The following COL24A1 variants were observed in gnomAD, a reference collection of about 807,000 sequenced individuals.
COL24A1 encodes collagen alpha-1(XXIV) chain.
In COL24A1, 224 loss-of-function variants were observed where a neutral mutation model predicts 253.9. The ratio of observed to expected loss-of-function variants is 0.88; its 90% CI spans 0.79 to 0.99. The LOEUF (loss-of-function observed/expected upper bound fraction) is 0.99, where lower values mean the gene tolerates loss of function less well. COL24A1 is among the 50% of genes least tolerant of loss of function. The pLI is 0.00. For missense variants in COL24A1, 2,131 were observed against 2,068.5 expected (o/e 1.03, Z -0.59); for synonymous variants, 685 against 673.7 (o/e 1.02, Z -0.26).
intron 32 of COL24A1, 147 bp downstream of exon 32, chr1:85,889,412 AT>A: frequency 5.1e-6 from 3 of 583,238 alleles, no homozygotes; most frequent in Non-Finnish European, 8.7e-6. Context: ...ATAAACTATT[AT>A]TTTTCATTCT....
At chr1:85,787,195 GT>G (rs201894051) in intron 47 of COL24A1, among the ~76,000 whole-genome samples, 4,947 of 145,454 alleles carry the variant, frequency 0.034, 217 homozygotes, top group East Asian at 0.13. Context: ...TTATGGCAGA[GT>G]TTTTTTTTTT....
At chr1:86,013,246 T>C (rs1287327201) in intron 19 of COL24A1, among the ~76,000 whole-genome samples, 1 of 152,176 alleles carries the variant, frequency 6.6e-6, no homozygotes, top group African/African-American at 2.4e-5. Context: ...ATCATAGAAG[T>C]ATATATGTAG....
intron 23 of COL24A1, among the ~76,000 whole-genome samples, chr1:85,963,337 TA>T (rs1347433944): frequency 6.6e-6 from 1 of 152,170 alleles, no homozygotes; most frequent in African/African-American, 2.4e-5. Context: ...GGAAGAATAA[TA>T]TATGAATTAT....
At chr1:85,863,795 C>G (rs1466934008) in intron 37 of COL24A1, among the ~76,000 whole-genome samples, 1 of 152,076 alleles carries the variant, frequency 6.6e-6, no homozygotes, top group African/African-American at 2.4e-5. Context: ...ACAGATGAAA[C>G]AATGCTCATC....
intron 5 of COL24A1, among the ~76,000 whole-genome samples, chr1:86,097,624 T>C (rs1042796671): frequency 3.3e-5 from 4 of 122,132 alleles, no homozygotes; most frequent in South Asian, 3.3e-4. Context: ...CTCCTTCTTC[T>C]TTTTCTTATT....
At chr1:86,047,312 C>A (rs1197678019) in intron 11 of COL24A1, among the ~76,000 whole-genome samples, 2 of 152,104 alleles carry the variant, frequency 1.3e-5, no homozygotes, top group African/African-American at 4.8e-5. Context: ...AGGAAATAAG[C>A]CTTAGGGTAA....
At chr1:86,095,139 CA>C (rs903232045) in intron 5 of COL24A1, among the ~76,000 whole-genome samples, 2 of 151,754 alleles carry the variant, frequency 1.3e-5, no homozygotes, top group Admixed American at 6.6e-5. Context: ...TTATAAATAT[CA>C]TGTTAAAAAT....
At chr1:86,027,624 C>T (rs112351822) in intron 14 of COL24A1, among the ~76,000 whole-genome samples, 13,198 of 152,214 alleles carry the variant, frequency 0.087, 700 homozygotes, top group Middle Eastern at 0.18. Context: ...CCTGGATGTC[C>T]AGGCAGAAGT....
At chr1:85,963,039 GTTAAA>G (rs1224003632) in intron 23 of COL24A1, among the ~76,000 whole-genome samples, 1 of 152,070 alleles carries the variant, frequency 6.6e-6, no homozygotes, top group Non-Finnish European at 1.5e-5. Flanking sequence ...GATATCTTGA[GTTAAA>G]TAAAATATAC....
At chr1:85,860,817 T>G (rs1679060277) in intron 37 of COL24A1, among the ~76,000 whole-genome samples, 1 of 152,214 alleles carries the variant, frequency 6.6e-6, no homozygotes, top group Non-Finnish European at 1.5e-5. Context: ...TAGCATAATG[T>G]TTTCGAGGTT....
chr1:85,933,272 C>G (rs1424194154), intron 24 of COL24A1, among the ~76,000 whole-genome samples: 1 of 151,896 alleles, frequency 6.6e-6, no homozygotes, highest in African/African-American at 2.4e-5. Context: ...TGCTGTCAGC[C>G]AAATAGAGTT....
At chr1:86,046,099 A>G (rs1310412517) in intron 12 of COL24A1, among the ~76,000 whole-genome samples, 3 of 152,216 alleles carry the variant, frequency 2.0e-5, no homozygotes, top group Non-Finnish European at 2.9e-5. Flanking sequence ...CAAAGCTTGA[A>G]GGATAAATGT....
At chr1:85,732,922 AACAG>A (rs1185050277) in intron 59 of COL24A1, among the ~76,000 whole-genome samples, 1 of 152,188 alleles carries the variant, frequency 6.6e-6, no homozygotes, top group Non-Finnish European at 1.5e-5. Context: ...CATAGTTTAC[AACAG>A]ACAGCCAGTG....
At chr1:85,884,492 A>G (rs1264153369) in intron 32 of COL24A1, among the ~76,000 whole-genome samples, 1 of 152,106 alleles carries the variant, frequency 6.6e-6, no homozygotes, top group Non-Finnish European at 1.5e-5. Context: ...CTGTTATTGC[A>G]CAGGAACCCC....
chr1:85,890,845 T>G (rs771126168), intron 31 of COL24A1, among the ~76,000 whole-genome samples: 3 of 152,186 alleles, frequency 2.0e-5, no homozygotes, highest in Non-Finnish European at 4.4e-5. Flanking sequence ...ATAACCATAC[T>G]GGACCTGTAA....
intron 47 of COL24A1, among the ~76,000 whole-genome samples, chr1:85,791,275 C>A (rs971322945): frequency 3.3e-5 from 5 of 151,958 alleles, no homozygotes; most frequent in Non-Finnish European, 7.4e-5. Flanking sequence ...GGGAAGGAGT[C>A]AATGCTGAGA....
chr1:86,121,746 T>C (rs754034114), intron 3 of COL24A1, among the ~76,000 whole-genome samples: 21 of 152,210 alleles, frequency 1.4e-4, no homozygotes, highest in Non-Finnish European at 2.4e-4. Flanking sequence ...ACAAATGACA[T>C]TTAACATATG....
chr1:86,013,248 T>A (rs1389391103), intron 19 of COL24A1, among the ~76,000 whole-genome samples: 1 of 152,190 alleles, frequency 6.6e-6, no homozygotes, highest in African/African-American at 2.4e-5. Flanking sequence ...CATAGAAGTA[T>A]ATATGTAGGT....
chr1:85,787,141 A>G (rs1187616142), intron 47 of COL24A1, among the ~76,000 whole-genome samples: 1 of 151,918 alleles, frequency 6.6e-6, no homozygotes, highest in Non-Finnish European at 1.5e-5. Flanking sequence ...TCATTTACAT[A>G]TTGTTTAGGG....
Sources: allele counts gnomAD v4.1 joint callset (sites outside exome capture counted in the v4.1 genomes callset), GRCh38; gene constraint gnomAD v4.1.1; transcripts MANE v1.5; gene names NCBI Gene and HGNC (gene_info 2026-07-23, HGNC 2026-07-21).